Variants in ME1 observed in about 807,000 individuals in gnomAD.
The protein encoded by ME1 is malic enzyme 1.
Under a neutral mutation model 66.4 loss-of-function variants are expected in ME1, and 74 were observed. The ratio of observed to expected loss-of-function variants is 1.11; its 90% CI spans 0.92 to 1.35. The LOEUF (loss-of-function observed/expected upper bound fraction) is 1.35. Among genes scored for constraint, ME1 ranks in the 40% most tolerant of loss-of-function variants. The pLI is 0.00. For synonymous variants in ME1, 251 were observed against 235.6 expected, an observed-to-expected ratio of 1.07 and a Z score of -0.60; for missense variants, 750 against 694.1, an observed-to-expected ratio of 1.08 and a Z score of -0.90.
chr6:83,259,589 T>C (rs1157873470), intron 6 of ME1, among the ~76,000 whole-genome samples: 2 of 152,180 alleles, frequency 1.3e-5, no homozygotes, highest in African/African-American at 4.8e-5. Flanking sequence ...GAATTTCAGA[T>C]GATGAATGGT....
chr6:83,220,853 T>C (rs1195238336), intron 12 of ME1, among the ~76,000 whole-genome samples: 5 of 152,148 alleles, frequency 3.3e-5, no homozygotes, highest in Admixed American at 6.6e-5. Context: ...TGGAAGACTC[T>C]CTGTCTTTAA....
At chr6:83,297,886 A>G (rs533775852) in intron 6 of ME1, among the ~76,000 whole-genome samples, 6 of 152,304 alleles carry the variant, frequency 3.9e-5, no homozygotes, top group Middle Eastern at 3.4e-3. Flanking sequence ...TGCAAAGGAC[A>G]TGATCTCATT....
intron 4 of ME1, among the ~76,000 whole-genome samples, chr6:83,350,971 C>CAAAAAA (rs34259968): frequency 2.5e-4 from 14 of 55,790 alleles, no homozygotes; most frequent in East Asian, 6.9e-4. Context: ...GTGGAGAAAG[C>CAAAAAA]AAAAAAAAAA....
chr6:83,244,785 C>A (rs1205277301), intron 7 of ME1, among the ~76,000 whole-genome samples: 3 of 151,936 alleles, frequency 2.0e-5, no homozygotes, highest in Non-Finnish European at 2.9e-5. Flanking sequence ...CCTAAATGAA[C>A]ATGAACATTT....
chr6:83,325,951 A>C (rs1190683880), intron 5 of ME1, among the ~76,000 whole-genome samples: 8 of 150,756 alleles, frequency 5.3e-5, no homozygotes, highest in Non-Finnish European at 1.2e-4. Flanking sequence ...AAGCAAACAA[A>C]AAAAAAAAAA....
At chr6:83,349,422 C>A (rs1449448457) in intron 4 of ME1, among the ~76,000 whole-genome samples, 1 of 150,996 alleles carries the variant, frequency 6.6e-6, no homozygotes, top group South Asian at 2.1e-4. Flanking sequence ...AAGACAACTA[C>A]AATTCTATCA....
intron 6 of ME1, among the ~76,000 whole-genome samples, chr6:83,259,111 C>T (rs187308731): frequency 6.6e-6 from 1 of 152,080 alleles, no homozygotes; most frequent in East Asian, 1.9e-4. Flanking sequence ...TTAATTTTTC[C>T]TGAGATATAG....
intron 1 of ME1, among the ~76,000 whole-genome samples, chr6:83,421,361 C>G (rs900806568): frequency 6.6e-6 from 1 of 152,164 alleles, no homozygotes; most frequent in Non-Finnish European, 1.5e-5. Flanking sequence ...GACTGAGTTT[C>G]ACACATTCAT....
At chr6:83,225,332 C>T (rs1790175025) in intron 11 of ME1, among the ~76,000 whole-genome samples, 1 of 150,968 alleles carries the variant, frequency 6.6e-6, no homozygotes, top group Non-Finnish European at 1.5e-5. Context: ...AGTATTTAGG[C>T]TTCAAAGTAG....
chr6:83,345,873 A>G (rs1188745340), intron 5 of ME1, among the ~76,000 whole-genome samples: 1 of 152,174 alleles, frequency 6.6e-6, no homozygotes, highest in East Asian at 1.9e-4. Context: ...TAATAAAAAA[A>G]TAATTTTTAA....
chr6:83,229,540 C>A (rs544298178), intron 9 of ME1, among the ~76,000 whole-genome samples: 2 of 152,112 alleles, frequency 1.3e-5, no homozygotes, highest in Non-Finnish European at 2.9e-5. Context: ...TTATATGGTA[C>A]TTGATGACTT....
chr6:83,320,985 G>T (rs1269590805), intron 5 of ME1, among the ~76,000 whole-genome samples: 1 of 152,156 alleles, frequency 6.6e-6, no homozygotes, highest in Non-Finnish European at 1.5e-5. Context: ...GTTAGACAGT[G>T]GGTACAGCCC....
intron 6 of ME1, among the ~76,000 whole-genome samples, chr6:83,298,332 CAT>C (rs1239916530): frequency 2.6e-5 from 4 of 151,970 alleles, no homozygotes; most frequent in Admixed American, 6.6e-5. Flanking sequence ...AGCTTTTTTT[CAT>C]ATGTTTGTTG....
chr6:83,351,145 A>G (rs1259421438), intron 4 of ME1, among the ~76,000 whole-genome samples: 1 of 152,076 alleles, frequency 6.6e-6, no homozygotes, highest in Non-Finnish European at 1.5e-5. Context: ...CTATTGTTTC[A>G]ATACTTTGGG....
At chr6:83,251,506 G>A (rs750933946) in intron 7 of ME1, among the ~76,000 whole-genome samples, 2 of 150,608 alleles carry the variant, frequency 1.3e-5, no homozygotes, top group Non-Finnish European at 2.9e-5. Context: ...AAAAAAAATT[G>A]CATAAATATA....
At chr6:83,252,387 G>A (rs1338925809) in intron 7 of ME1, among the ~76,000 whole-genome samples, 1 of 151,972 alleles carries the variant, frequency 6.6e-6, no homozygotes. Flanking sequence ...TCGACCTCCT[G>A]GGCTCAAGGG....
intron 6 of ME1, among the ~76,000 whole-genome samples, chr6:83,293,109 C>T (rs757621879): frequency 1.3e-5 from 2 of 152,264 alleles, no homozygotes; most frequent in Admixed American, 6.5e-5. Context: ...CCAGGTGAGG[C>T]GACACCCTGC....
rs542522795 is a variant in ME1, at chr6:83,223,311, T to C, written c.1449+449A>G. On this transcript the variant is annotated intron_variant, in intron 12 of 13. Coordinates refer to ENST00000369705, the MANE Select transcript of ME1 (RefSeq NM_002395.6). The stretch of plus-strand genomic sequence containing the variant: ...GGGGGATCACAGGCACACACCACCA[T>C]GCCCGGCTAATGTTTGTATTTTTAG... Among the ~76,000 whole-genome samples, 54 of 152,248 alleles carry C rather than the reference T, an allele frequency of 3.5e-4. 1 individual carries two copies. The South Asian group carries it at 0.01, about 29-fold the overall frequency.
At chr6:83,319,024 A>G (rs1399857020) in intron 5 of ME1, among the ~76,000 whole-genome samples, 2 of 149,510 alleles carry the variant, frequency 1.3e-5, no homozygotes, top group African/African-American at 2.5e-5. Flanking sequence ...GAAATTGGAA[A>G]TCATCATTCT....
Sources: gnomAD v4.1 joint callset for allele counts (sites outside exome capture counted in the v4.1 genomes callset) on GRCh38, gnomAD v4.1.1 for gene constraint, MANE v1.5 for transcripts, NCBI Gene and HGNC (gene_info 2026-07-23, HGNC 2026-07-21) for gene names.